CP: variants seen among roughly 807,000 people sequenced by gnomAD.
CP encodes ceruloplasmin, also known as caeruloplasmin.
Under a neutral mutation model 122.4 loss-of-function variants are expected in CP, and 64 were observed. The observed-to-expected ratio is 0.52, with a 90% CI of 0.43 to 0.64. The LOEUF is 0.64. Among genes scored for constraint, CP ranks in the 30% least tolerant of loss-of-function variants. The probability of loss-of-function intolerance (pLI) is 0.00; values close to 1 mark genes in which losing one functional copy is unlikely to be tolerated. For missense variants in CP, 1,167 were observed against 1,284.4 expected (o/e 0.91, Z 1.40); for synonymous variants, 440 against 436.4 (o/e 1.01, Z -0.10).
At position 149,177,832 on chromosome 3, in the gene CP, G is replaced by C. The variant is rs1349583118; in HGVS notation, c.3018+8C>G. On this transcript the variant is annotated splice_region_variant and intron_variant, in intron 17 of 18. Transcript: ENST00000264613. ...AGAGCAAGAGTAATTGCCATGGATA[G>C]CTCTTACCTTGTATTGGAAGCTATG... is the stretch of plus-strand genomic sequence containing the variant. 5 of 1,613,032 alleles carry C rather than the reference G, an allele frequency of 3.1e-6. No homozygotes were observed. The African/African-American group carries it at 6.7e-5, about 22-fold the overall frequency.
intron 5 of CP, 55 bp from the exon 6 acceptor site, chr3:149,206,394 A>C (rs763635067): frequency 6.3e-7 from 1 of 1,598,446 alleles, no homozygotes; most frequent in Non-Finnish European, 8.6e-7. Context: ...TCTCTCTCCT[A>C]TTGCCCTGTA....
intron 6 of CP, among the ~76,000 whole-genome samples, chr3:149,203,337 C>T (rs1009468527): frequency 6.6e-6 from 1 of 152,160 alleles, no homozygotes; most frequent in East Asian, 1.9e-4. Context: ...GATCTTGGCT[C>T]ACTGCAAACT....
chr3:149,179,715 C>CAT, intron 14 of CP, 53 bp from the exon 15 acceptor site: 1 of 502,800 alleles, frequency 2.0e-6, no homozygotes. Flanking sequence ...ATATTGTACA[C>CAT]ACACACACAC....
In CP at chr3:149,187,623, G is replaced by C. The variant is rs140805948; in HGVS notation, c.1864+429C>G. Among the ~76,000 whole-genome samples, 1,140 of 152,312 alleles carry C rather than the reference G, an allele frequency of 7.5e-3. 10 individuals are homozygous for C. Among genetic ancestry groups the C allele is most frequent in the Non-Finnish European group, 0.013 (899 of 68,028 alleles). On this transcript the variant is annotated intron_variant, in intron 10 of 18. Coordinates refer to ENST00000264613, the MANE Select transcript of CP (RefSeq NM_000096.4). ...GCATATTGAATAATCAAATGAGCCTGTCATTTTTGAGCCAAAATGAGAAAA... is the reference window on the plus strand; with the variant it reads ...GCATATTGAATAATCAAATGAGCCTCTCATTTTTGAGCCAAAATGAGAAAA...
At chr3:149,214,914 A>T (rs910724567) in intron 1 of CP, among the ~76,000 whole-genome samples, 1 of 152,230 alleles carries the variant, frequency 6.6e-6, no homozygotes, top group African/African-American at 2.4e-5. Flanking sequence ...TTAGGTACAC[A>T]ACTGCAGCTG....
chr3:149,163,356 CT>C (rs1158720715), intron 5 of CP, among the ~76,000 whole-genome samples: 1 of 151,608 alleles, frequency 6.6e-6, no homozygotes, highest in Non-Finnish European at 1.5e-5. Flanking sequence ...AGTAACAACT[CT>C]TTCTACCCTT....
chr3:149,221,615 T>G (rs180992019), intron 1 of CP, 32 bp downstream of exon 1: 67 of 1,588,636 alleles, frequency 4.2e-5, no homozygotes, highest in Non-Finnish European at 8.6e-7. Flanking sequence ...ACTTAAAATT[T>G]TGGTCTATAA....
chr3:149,164,740 T>G (rs1724233992), intron 5 of CP, among the ~76,000 whole-genome samples: 1 of 152,228 alleles, frequency 6.6e-6, no homozygotes, highest in African/African-American at 2.4e-5. Flanking sequence ...GGGTTGGGGC[T>G]GACCCGCAGC....
At chr3:149,171,181 G>T (rs546098503), downstream of CP, among the ~76,000 whole-genome samples, 1 of 152,238 alleles carries the variant, frequency 6.6e-6, no homozygotes, top group South Asian at 2.1e-4. Context: ...GGGAGGCTGA[G>T]GCAGGAGAAT....
chr3:149,173,668 A>G lies in CP; in HGVS notation c.*46T>C, dbSNP rs1395240544. The G allele has an allele frequency of 6.9e-6, 9 of 1,297,000 alleles. No individual in the cohort carries two copies. The Admixed American group carries it at 1.6e-4, about 22-fold the overall frequency. The allele number at this position is 1,297,000 out of a possible 1,614,324, so 80.3% of individuals were successfully genotyped here. On this transcript the variant is annotated 3_prime_UTR_variant, in exon 19 of 19. Coordinates refer to ENST00000264613, the MANE Select transcript of CP (RefSeq NM_000096.4). ...TACACTTTCACATACATTGTTATGA[A>G]TCATTGGTTTTTCTCTTTTTTCCAC...
At chr3:149,191,950 T>C (rs1392147612) in intron 9 of CP, among the ~76,000 whole-genome samples, 1 of 152,080 alleles carries the variant, frequency 6.6e-6, no homozygotes, top group East Asian at 1.9e-4. Context: ...AAAGACTAAC[T>C]ATAGCTAAGA....
intron 18 of CP, among the ~76,000 whole-genome samples, chr3:149,175,373 A>G (rs1178417873): frequency 6.6e-6 from 1 of 152,154 alleles, no homozygotes; most frequent in Non-Finnish European, 1.5e-5. Flanking sequence ...TTGTTTGTGT[A>G]AGACCCAGGA....
rs1450254873 is a variant in CP, at chr3:149,173,342, G to T, written c.*372C>A. ...GCATGTTAGAAGGATCAATGGGAAG[G>T]CAATGATTGAAAACATTTCAATGAA... is the stretch of plus-strand genomic sequence containing the variant. On this transcript the variant is annotated 3_prime_UTR_variant, in exon 19 of 19. Coordinates refer to ENST00000264613, the MANE Select transcript of CP (RefSeq NM_000096.4). The T allele has an allele frequency of 6.2e-6, 1 of 162,014 alleles. No homozygotes were observed. The highest frequency in any genetic ancestry group is 1.8e-4 in the East Asian group (1 of 5,706). The allele number at this position is 162,014 out of a possible 1,614,324, so 10.0% of individuals were successfully genotyped here. A position where few individuals can be genotyped will look rare whatever the true frequency, so the allele number is the denominator to read the frequency against.
intron 1 of CP, among the ~76,000 whole-genome samples, chr3:149,214,272 T>C (rs1354164762): frequency 6.6e-6 from 1 of 152,098 alleles, no homozygotes; most frequent in East Asian, 1.9e-4. Flanking sequence ...TGGGGCCAGG[T>C]ACCATGGCCA....
chr3:149,194,325 G>A (rs1726748987), intron 9 of CP, among the ~76,000 whole-genome samples: 3 of 150,432 alleles, frequency 2.0e-5, no homozygotes, highest in South Asian at 4.2e-4. Flanking sequence ...ACCAACCTCC[G>A]CCTCCCGGGT....
At position 149,207,581 on chromosome 3, in the gene CP, A is replaced by G. The variant is rs1220028254; in HGVS notation, c.818T>C (p.Leu273Pro). 9 of 1,613,950 alleles carry G rather than the reference A, an allele frequency of 5.6e-6. No individual in the cohort carries two copies. Among genetic ancestry groups the G allele is most frequent in the Non-Finnish European group, 7.6e-6 (9 of 1,179,810 alleles). Residue 273 changes from leucine to proline, a missense_variant, in exon 5 of 19, where the codon CTC becomes CCC. Leu to Pro is a moderately conservative substitution (Grantham distance 98). This residue lies in a region of CP where 642 missense variants were observed against 627.3 expected (regional missense o/e 1.02). Transcript: ENST00000264613. The stretch of plus-strand genomic sequence containing the variant: ...TACTCTGTCTTCAGCACACATGGAG[A>G]GTCCTGGGAGACTTCCAAAAGTGTA... ...NGYTFGSLPG[L>P]SMCAEDRVKW... is the part of the protein sequence containing the mutation.
intron 9 of CP, among the ~76,000 whole-genome samples, chr3:149,196,519 A>G (rs1235043591): frequency 6.6e-6 from 1 of 152,232 alleles, no homozygotes; most frequent in East Asian, 1.9e-4. Flanking sequence ...GGTTAGTTTC[A>G]GTTCTGGCTC....
In CP at chr3:149,186,585, C is replaced by T. The variant is rs781242411; in HGVS notation, c.2012G>A (p.Arg671Gln). 1.9e-5 allele frequency: 31 copies of T among 1,614,034 alleles called. No individual in the cohort carries two copies. Among genetic ancestry groups the T allele is most frequent in the East Asian group, 4.5e-5 (2 of 44,898 alleles). The stretch of plus-strand genomic sequence containing the variant: ...AGGGAAGAGGTTTGCTGTGTCTCTC[C>T]GTTCTCCTCTCCACAGATATGTGTT... ...SGNTYLWRGE[R>Q]RDTANLFPQT... The change falls in exon 11 of 19, where the codon CGG (arginine) becomes CAG (glutamine). Residue 671 changes from arginine to glutamine, a missense_variant. Arg to Gln is a conservative substitution (Grantham distance 43). Transcript: ENST00000264613.
intron 9 of CP, among the ~76,000 whole-genome samples, chr3:149,195,174 AAT>A (rs1366845653): frequency 6.6e-6 from 1 of 152,232 alleles, no homozygotes; most frequent in East Asian, 1.9e-4. Flanking sequence ...CAAATTTGAC[AAT>A]ATAGTTTGTA....
Sources: allele counts gnomAD v4.1 joint callset (sites outside exome capture counted in the v4.1 genomes callset), GRCh38; gene constraint gnomAD v4.1.1; regional missense constraint gnomAD v4.1.1; transcripts MANE v1.5; gene names NCBI Gene and HGNC (gene_info 2026-07-23, HGNC 2026-07-21).